The following FAM78B variants were observed in gnomAD, a reference collection of about 807,000 sequenced individuals.
The protein encoded by FAM78B is protein FAM78B.
In FAM78B, 10 loss-of-function variants were observed where a neutral mutation model predicts 20.0. The observed-to-expected ratio is 0.50, with a 90% CI of 0.31 to 0.85. The LOEUF is 0.85. Ranked by LOEUF, FAM78B falls within the 40% of genes least tolerant of loss-of-function variation. The pLI, the probability that FAM78B is intolerant of heterozygous loss-of-function variation, is 0.05. For missense variants in FAM78B, 283 were observed against 345.0 expected (o/e 0.82, Z 1.42); for synonymous variants, 135 against 132.8 (o/e 1.02, Z -0.12).
chr1:166,127,064 TTC>T (rs1162785499), intron 1 of FAM78B, among the ~76,000 whole-genome samples: 1 of 152,216 alleles, frequency 6.6e-6, no homozygotes, highest in Non-Finnish European at 1.5e-5. Flanking sequence ...GGCTGGGTCT[TTC>T]TCTCTCTTAC....
In FAM78B at chr1:166,166,354, G is replaced by A. The variant is rs905904581; in HGVS notation, c.-106C>T. On this transcript the variant is annotated 5_prime_UTR_variant, in exon 1 of 2. Transcript: ENST00000354422. ...GCATGGCGACGCGCCGCTCGCTCCC[G>A]GTCAGACTCAGCTCGCACCTAGGAG... The A allele has an allele frequency of 1.3e-5, 13 of 980,932 alleles. No homozygotes were observed. In the Admixed American group the frequency reaches 5.0e-4, roughly 38 times the overall value. 60.8% of individuals were successfully genotyped at this position (980,932 alleles called of 1,614,324 possible).
At chr1:166,156,290 G>A (rs1380951948) in intron 1 of FAM78B, among the ~76,000 whole-genome samples, 1 of 152,232 alleles carries the variant, frequency 6.6e-6, no homozygotes, top group African/African-American at 2.4e-5. Context: ...ACATTTAGGT[G>A]GTCCTGTTTA....
intron 1 of FAM78B, among the ~76,000 whole-genome samples, chr1:166,118,530 C>T (rs1170322249): frequency 1.3e-5 from 2 of 152,058 alleles, no homozygotes; most frequent in East Asian, 3.9e-4. Context: ...CAAACTATGG[C>T]CTACTGCTTG....
intron 1 of FAM78B, among the ~76,000 whole-genome samples, chr1:166,127,615 C>T (rs1390322945): frequency 6.6e-6 from 1 of 152,122 alleles, no homozygotes; most frequent in African/African-American, 2.4e-5. Flanking sequence ...GATAATAGTA[C>T]TAGTAGAAAT....
chr1:166,110,751 C>A (rs986683837), intron 1 of FAM78B, among the ~76,000 whole-genome samples: 2 of 152,172 alleles, frequency 1.3e-5, no homozygotes, highest in African/African-American at 4.8e-5. Context: ...GCTTGTGATA[C>A]CTTCCCAGAG....
At chr1:166,065,874 T>C (rs190444815), downstream of FAM78B, among the ~76,000 whole-genome samples, 84 of 152,318 alleles carry the variant, frequency 5.5e-4, no homozygotes, top group African/African-American at 2.0e-3. Context: ...CAGGCATTCA[T>C]TGGGTTTTTG....
chr1:166,145,670 T>C (rs1655427630), intron 1 of FAM78B, among the ~76,000 whole-genome samples: 1 of 152,224 alleles, frequency 6.6e-6, no homozygotes, highest in Non-Finnish European at 1.5e-5. Flanking sequence ...CTGTAACTTA[T>C]CAAAGACAAT....
At chr1:166,139,417 T>C (rs1655194500) in intron 1 of FAM78B, among the ~76,000 whole-genome samples, 1 of 152,194 alleles carries the variant, frequency 6.6e-6, no homozygotes, top group Non-Finnish European at 1.5e-5. Flanking sequence ...TGCTGAATTT[T>C]GGGGATACAG....
chr1:166,147,585 T>C (rs796882277), intron 1 of FAM78B, among the ~76,000 whole-genome samples: 68 of 152,152 alleles, frequency 4.5e-4, no homozygotes, highest in Middle Eastern at 3.4e-3. Context: ...AGCTAGTAAA[T>C]GGTGCAAGCA....
At chr1:166,084,441 A>C (rs1449581293) in intron 1 of FAM78B, among the ~76,000 whole-genome samples, 1 of 152,168 alleles carries the variant, frequency 6.6e-6, no homozygotes, top group Non-Finnish European at 1.5e-5. Flanking sequence ...AAACAACCTC[A>C]TGGATAAGGA....
chr1:166,150,775 T>G (rs979918520), intron 1 of FAM78B, among the ~76,000 whole-genome samples: 9 of 152,038 alleles, frequency 5.9e-5, no homozygotes, highest in East Asian at 5.8e-4. Flanking sequence ...CAACAAGAAA[T>G]ACACATTCTT....
downstream of FAM78B, among the ~76,000 whole-genome samples, chr1:166,066,235 A>G (rs1651792697): frequency 6.6e-6 from 1 of 152,076 alleles, no homozygotes; most frequent in Admixed American, 6.6e-5. Context: ...ATTACTAAGT[A>G]CTCTGCTAAG....
intron 1 of FAM78B, among the ~76,000 whole-genome samples, chr1:166,076,998 T>C (rs1220395683): frequency 6.6e-6 from 1 of 151,988 alleles, no homozygotes; most frequent in Admixed American, 6.5e-5. Context: ...AGCAAAGGAA[T>C]AGCCAGCAAA....
chr1:166,138,402 C>G (rs1279696874), intron 1 of FAM78B, among the ~76,000 whole-genome samples: 1 of 152,092 alleles, frequency 6.6e-6, no homozygotes, highest in Non-Finnish European at 1.5e-5. Context: ...CCACCCAGAC[C>G]CCCACCACAA....
chr1:166,071,880 T>C lies in FAM78B; in HGVS notation c.264-1117A>G, dbSNP rs577906939. ...AATGGAGAGGACTCAGGCTGTCTAATGAGTTAGCAGCTCCAAGACCAGTCA... is the reference window on the plus strand; with the variant it reads ...AATGGAGAGGACTCAGGCTGTCTAACGAGTTAGCAGCTCCAAGACCAGTCA... On this transcript the variant is annotated intron_variant, in intron 1 of 1. Transcript: ENST00000354422. 1.1e-4 allele frequency among the ~76,000 whole-genome samples: 16 copies of C among 152,202 alleles called. No individual in the cohort carries two copies. In the South Asian group the frequency reaches 1.2e-3, roughly 12 times the overall value.
intron 1 of FAM78B, among the ~76,000 whole-genome samples, chr1:166,085,022 T>C (rs1652768068): frequency 6.6e-6 from 1 of 152,206 alleles, no homozygotes. Flanking sequence ...TATTTCTTTT[T>C]ACCTTATTTG....
At chr1:166,155,614 G>A (rs1311241645) in intron 1 of FAM78B, among the ~76,000 whole-genome samples, 1 of 152,190 alleles carries the variant, frequency 6.6e-6, no homozygotes, top group African/African-American at 2.4e-5. Flanking sequence ...GAGGTTGGGG[G>A]TTAGTTTGTG....
chr1:166,060,827 A>G (rs1176113137), intron 2 of FAM78B, among the ~76,000 whole-genome samples: 1 of 66,550 alleles, frequency 1.5e-5, no homozygotes, highest in Non-Finnish European at 2.9e-5. Flanking sequence ...TTATTTTCAT[A>G]TGCACTTCTC....
exon 3 of FAM78B, chr1:166,059,919 G>C (rs1014215829): frequency 1.3e-5 from 2 of 152,238 alleles, no homozygotes; most frequent in Admixed American, 1.3e-4. Flanking sequence ...AATGGATTTT[G>C]TGTTGTATAA....
Sources: allele counts gnomAD v4.1 joint callset (sites outside exome capture counted in the v4.1 genomes callset), GRCh38; gene constraint gnomAD v4.1.1; transcripts MANE v1.5; gene names NCBI Gene and HGNC (gene_info 2026-07-23, HGNC 2026-07-21).